Variants in DNAH17 observed in about 807,000 individuals in gnomAD.
The protein encoded by DNAH17 is axonemal beta dynein heavy chain 17.
DNAH17 carries 376 observed loss-of-function variants against 485.6 expected under a neutral mutation model. The observed-to-expected ratio is 0.77, with a 90% CI of 0.71 to 0.84. The LOEUF (loss-of-function observed/expected upper bound fraction) is 0.84, where lower values mean the gene tolerates loss of function less well. DNAH17 is among the 40% of genes least tolerant of loss of function. The pLI, the probability that DNAH17 is intolerant of heterozygous loss-of-function variation, is 0.00. For missense variants in DNAH17, 6,370 were observed against 5,839.3 expected (o/e 1.09, Z -2.96); for synonymous variants, 3,031 against 2,405.9 (o/e 1.26, Z -7.60).
Position 78,459,228 on chromosome 17 carries a change from G to T in DNAH17, c.9654-20C>A, listed in dbSNP as rs766624861. 6.2e-7 allele frequency: 1 copy of T among 1,611,166 alleles called. No homozygotes were observed. Among genetic ancestry groups the T allele is most frequent in the Non-Finnish European group, 8.5e-7 (1 of 1,178,064 alleles). Reference sequence around the variant, plus strand: ...TAGGGCCTAGCGAGGGAACCAGAGGGCCGGAGTCGTCACCCTGTCCTGCTC... The same window carrying T: ...TAGGGCCTAGCGAGGGAACCAGAGGTCCGGAGTCGTCACCCTGTCCTGCTC... On this transcript the variant is annotated intron_variant, in intron 60 of 80. Coordinates refer to ENST00000389840, the MANE Select transcript of DNAH17 (RefSeq NM_173628.4).
At chr17:78,478,083 CACCAT>C (rs2089147652) in intron 51 of DNAH17, among the ~76,000 whole-genome samples, 1 of 99,616 alleles carries the variant, frequency 1.0e-5, no homozygotes, top group African/African-American at 3.5e-5. Context: ...CCACCATCAT[CACCAT>C]CACCACCACC....
At chr17:78,498,560 C>A (rs2090158865) in intron 37 of DNAH17, among the ~76,000 whole-genome samples, 1 of 152,220 alleles carries the variant, frequency 6.6e-6, no homozygotes, top group African/African-American at 2.4e-5. Flanking sequence ...CAGGTCGCCC[C>A]AGCCACTCCG....
chr17:78,529,753 G>C, intron 21 of DNAH17, 59 bp from the exon 22 acceptor site: 3 of 1,548,772 alleles, frequency 1.9e-6, no homozygotes, highest in African/African-American at 2.7e-5. Context: ...ACCCTTGATG[G>C]TACGGAGCCC....
intron 65 of DNAH17, among the ~76,000 whole-genome samples, chr17:78,451,907 G>T (rs2087570186): frequency 1.3e-5 from 2 of 152,014 alleles, no homozygotes; most frequent in Non-Finnish European, 2.9e-5. Context: ...GCTCATCTTT[G>T]CAGCAGGGTT....
In DNAH17 at chr17:78,495,123, G is replaced by A. The variant is rs745667949; in HGVS notation, c.5904-26C>T. 1.7e-5 allele frequency: 27 copies of A among 1,575,124 alleles called. No individual in the cohort carries two copies. The Admixed American group carries it at 4.5e-4, about 26-fold the overall frequency. On this transcript the variant is annotated intron_variant, in intron 38 of 80. Transcript: ENST00000389840. ...CTGGGGAGGTCAGCGGTGCCTGTGGGCTTCTGCCCACTCCCTCCCCAACCT... is the reference window on the plus strand; with the variant it reads ...CTGGGGAGGTCAGCGGTGCCTGTGGACTTCTGCCCACTCCCTCCCCAACCT...
chr17:78,545,044 G>T (rs899460447), intron 16 of DNAH17, among the ~76,000 whole-genome samples: 31 of 151,446 alleles, frequency 2.0e-4, no homozygotes, highest in African/African-American at 7.3e-4. Context: ...TCCTCCTCAC[G>T]GCTGCCTCTG....
At chr17:78,550,643 C>T (rs74643714) in intron 16 of DNAH17, among the ~76,000 whole-genome samples, 13,493 of 152,198 alleles carry the variant, frequency 0.089, 753 homozygotes, top group South Asian at 0.17. Flanking sequence ...CCTGCCGACA[C>T]CTTAACCTTG....
rs563537456 is a variant in DNAH17 at position 78,542,559 on chromosome 17, A to G, written c.2532+1298T>C. On this transcript the variant is annotated intron_variant, in intron 17 of 80. Transcript: ENST00000389840. ...TGCAAGCTGGGTGAAATTACTACCA[A>G]GTGAGGAGGATATGAAAACCCCTAC... 2.4e-3 allele frequency among the ~76,000 whole-genome samples: 363 copies of G among 152,314 alleles called. 2 individuals carry two copies. The highest frequency in any genetic ancestry group is 8.2e-3 in the African/African-American group (342 of 41,570).
chr17:78,450,791 T>C lies in DNAH17; in HGVS notation c.10790A>G (p.Asp3597Gly). 1 of 1,614,030 alleles carries C rather than the reference T, an allele frequency of 6.2e-7. No individual in the cohort carries two copies. The highest frequency in any genetic ancestry group is 8.5e-7 in the Non-Finnish European group (1 of 1,179,892). Residue 3597 changes from aspartate to glycine, a missense_variant, in exon 67 of 81, where the codon GAT becomes GGT. Coordinates refer to ENST00000389840, the MANE Select transcript of DNAH17 (RefSeq NM_173628.4). Reference sequence around the variant, plus strand: ...AGCCGACAGACGGGCCAGGAGCGAATCTTCCAGCTCTTTCAGAACAATCTT... The same window carrying C: ...AGCCGACAGACGGGCCAGGAGCGAACCTTCCAGCTCTTTCAGAACAATCTT... ...EFKIVLKELE[D>G]SLLARLSAAS...
rs623336 is a variant in DNAH17, at chr17:78,460,270, T to G, written c.9340-13A>C. ...TCTCAGTGACGTTCTGGAAGGAAGA[T>G]GGACAGGAGAGGTTACTGCAGGCCT... On this transcript the variant is annotated splice_polypyrimidine_tract_variant and intron_variant, in intron 58 of 80. Transcript: ENST00000389840. The G allele has an allele frequency of 5.7e-6, 9 of 1,585,660 alleles. No individual in the cohort carries two copies. In the Admixed American group the frequency reaches 1.3e-4, roughly 22 times the overall value.
chr17:78,427,103 C>T lies in DNAH17; in HGVS notation c.12594G>A (p.Lys4198=). 1 of 1,570,990 alleles carries T rather than the reference C, an allele frequency of 6.4e-7. No homozygotes were observed. The highest frequency in any genetic ancestry group is 8.6e-7 in the Non-Finnish European group (1 of 1,158,362). ...GTGVSREEKV[K]AVLDDILEKI... ...TCTCCAGGATGTCGTCCAGCACGGC[C>T]TTCACCTGGAAGCCAGTCCCCGGAC... The change falls in exon 78 of 81, where the codon AAG becomes AAA. Residue 4198 remains lysine (K), a synonymous_variant. Transcript: ENST00000389840.
rs373189678 is a variant in DNAH17 at position 78,537,327 on chromosome 17, C to T, written c.2831G>A (p.Arg944Gln). Reference protein sequence around the residue: ...DIYNVARLIPRLAKDRMNYKM... With the variant: ...DIYNVARLIPQLAKDRMNYKM... Reference sequence around the variant, plus strand: ...GTAGTTCATCCTGTCCTTGGCCAGCCGAGGGATGAGCCTGGCTACGTTGTA... The same window carrying T: ...GTAGTTCATCCTGTCCTTGGCCAGCTGAGGGATGAGCCTGGCTACGTTGTA... The change falls in exon 19 of 81, where the codon CGG becomes CAG. Residue 944 changes from arginine (R) to glutamine (Q), a missense_variant. Physicochemically the swap from Arg to Gln is conservative, Grantham distance 43 (BLOSUM62 1). Coordinates refer to ENST00000389840, the MANE Select transcript of DNAH17 (RefSeq NM_173628.4). 3.1e-5 allele frequency: 49 copies of T among 1,585,260 alleles called. No individual in the cohort carries two copies. Among genetic ancestry groups the T allele is most frequent in the African/African-American group, 2.2e-4 (16 of 74,330 alleles).
At chr17:78,535,264 G>A (rs952902117) in intron 19 of DNAH17, among the ~76,000 whole-genome samples, 3 of 152,194 alleles carry the variant, frequency 2.0e-5, no homozygotes, top group African/African-American at 4.8e-5. Context: ...CTAACCTAGC[G>A]TCTGCATAAC....
intron 76 of DNAH17, 95 bp downstream of exon 76, chr17:78,429,026 G>A (rs1410958268): frequency 2.2e-6 from 3 of 1,379,820 alleles, no homozygotes; most frequent in African/African-American, 2.9e-5. Context: ...CTGGGTTCTT[G>A]CTCAATTATT....
At chr17:78,495,827 G>C in intron 38 of DNAH17, 48 bp downstream of exon 38, 1 of 1,584,234 alleles carries the variant, frequency 6.3e-7, no homozygotes, top group Non-Finnish European at 8.6e-7. Context: ...ACGTTGCTGT[G>C]GCCGGCCTGG....
chr17:78,483,675 C>A (rs2089451320), intron 48 of DNAH17, among the ~76,000 whole-genome samples: 1 of 151,950 alleles, frequency 6.6e-6, no homozygotes. Context: ...CTCCGCCACT[C>A]ATTAGGACCA....
chr17:78,436,920 G>A (rs568017521), intron 74 of DNAH17, among the ~76,000 whole-genome samples: 1 of 152,128 alleles, frequency 6.6e-6, no homozygotes. Context: ...TGCATCTGGG[G>A]GAAGCCTTGA....
intron 13 of DNAH17, 36 bp from the exon 14 acceptor site, chr17:78,558,290 A>C (rs1241698182): frequency 6.2e-7 from 1 of 1,607,774 alleles, no homozygotes; most frequent in Non-Finnish European, 8.5e-7. Context: ...ACATGTCAGC[A>C]GGTCAGGTCA....
At chr17:78,436,712 G>C (rs1025403617) in intron 74 of DNAH17, among the ~76,000 whole-genome samples, 1 of 152,060 alleles carries the variant, frequency 6.6e-6, no homozygotes, top group African/African-American at 2.4e-5. Flanking sequence ...GGGTGTGGTG[G>C]TGCATGCCTG....
Sources: allele counts gnomAD v4.1 joint callset (sites outside exome capture counted in the v4.1 genomes callset), GRCh38; gene constraint gnomAD v4.1.1; transcripts MANE v1.5; gene names NCBI Gene and HGNC (gene_info 2026-07-23, HGNC 2026-07-21).